Variants in MERTK observed in about 807,000 individuals in gnomAD.
MERTK encodes tyrosine-protein kinase Mer.
In MERTK, 69 loss-of-function variants were observed where a neutral mutation model predicts 99.3. That is an observed-to-expected ratio of 0.70 (90% CI 0.57 to 0.85). The LOEUF (loss-of-function observed/expected upper bound fraction) is 0.85, where lower values mean the gene tolerates loss of function less well. Ranked by LOEUF, MERTK falls within the 40% of genes least tolerant of loss-of-function variation. The probability of loss-of-function intolerance (pLI) is 0.00; values close to 1 mark genes in which losing one functional copy is unlikely to be tolerated. For missense variants in MERTK, 1,125 were observed against 1,249.4 expected, an observed-to-expected ratio of 0.90 and a Z score of 1.50; for synonymous variants, 426 against 467.6, an observed-to-expected ratio of 0.91 and a Z score of 1.15.
rs70962971 is a variant in MERTK, at chr2:111,976,522, C to CTGTGTGTGTG, written c.1144+1090_1144+1099dup. Among the ~76,000 whole-genome samples, 122 of 136,788 alleles carry CTGTGTGTGTG rather than the reference C, an allele frequency of 8.9e-4. 1 individual carries two copies. The highest frequency in any genetic ancestry group is 2.9e-3 in the African/African-American group (104 of 35,618). 89.7% of individuals were successfully genotyped at this position (136,788 alleles called of 152,430 possible). ...GTAAGCCAGAAATCATGACAAAAAC[C>CTGTGTGTGTG]TGTGTGTGTGTGTGTGTGTGTGTGT... On this transcript the variant is annotated intron_variant, in intron 7 of 18. Coordinates refer to ENST00000295408, the MANE Select transcript of MERTK (RefSeq NM_006343.3).
intron 2 of MERTK, among the ~76,000 whole-genome samples, chr2:111,944,018 G>A (rs534653365): frequency 6.6e-6 from 1 of 152,220 alleles, no homozygotes; most frequent in South Asian, 2.1e-4. Flanking sequence ...AAGACAGGTG[G>A]CCGGGCATGG....
In MERTK at chr2:112,028,703, G is replaced by A. The variant is rs2104430119; in HGVS notation, c.2839G>A (p.Ala947Thr). Residue 947 changes from alanine (A) to threonine (T), a missense_variant, in exon 19 of 19, where the codon GCT becomes ACT. Coordinates refer to ENST00000295408, the MANE Select transcript of MERTK (RefSeq NM_006343.3). Reference protein sequence around the residue: ...EWEDLTSAPSAAVTAEKNSVL... With the variant: ...EWEDLTSAPSTAVTAEKNSVL... Reference sequence around the variant, plus strand: ...GGAAGATCTGACTTCTGCCCCCTCTGCTGCAGTCACAGCTGAAAAGAACAG... The same window carrying A: ...GGAAGATCTGACTTCTGCCCCCTCTACTGCAGTCACAGCTGAAAAGAACAG... 4 of 1,614,186 alleles carry A rather than the reference G, an allele frequency of 2.5e-6. No homozygotes were observed. The highest frequency in any genetic ancestry group is 2.2e-5 in the South Asian group (2 of 91,088).
At chr2:111,929,029 G>C in intron 1 of MERTK, 91 bp from the exon 2 acceptor site, 1 of 1,360,178 alleles carries the variant, frequency 7.4e-7, no homozygotes, top group Non-Finnish European at 1.0e-6. Context: ...GGACACCCCA[G>C]TGCTCTCTCT....
At chr2:111,917,167 T>G (rs1684366520) in intron 1 of MERTK, among the ~76,000 whole-genome samples, 1 of 152,152 alleles carries the variant, frequency 6.6e-6, no homozygotes, top group Admixed American at 6.6e-5. Flanking sequence ...GAGAGATGCT[T>G]CATTGCTTCA....
chr2:111,953,775 A>G (rs927652752), intron 4 of MERTK, among the ~76,000 whole-genome samples: 5 of 152,164 alleles, frequency 3.3e-5, no homozygotes, highest in African/African-American at 1.2e-4. Flanking sequence ...GGGTTTCACC[A>G]TGTTGGCCAG....
intron 1 of MERTK, among the ~76,000 whole-genome samples, chr2:111,920,530 C>T (rs1368093862): frequency 2.0e-5 from 3 of 151,408 alleles, no homozygotes; most frequent in Non-Finnish European, 4.4e-5. Flanking sequence ...AGGACTGATC[C>T]ATCAGGTCAA....
chr2:111,920,803 T>C (rs2001200), intron 1 of MERTK, among the ~76,000 whole-genome samples: 80,393 of 151,716 alleles, frequency 0.53, 21,493 homozygotes, highest in South Asian at 0.59. Flanking sequence ...TACAGGCGCC[T>C]GCCACCAGGC....
rs2104733835 is a variant in MERTK, at chr2:111,975,347, T to C, written c.1019T>C (p.Leu340Ser). 6.2e-7 allele frequency: 1 copy of C among 1,614,212 alleles called. No homozygotes were observed. The highest frequency in any genetic ancestry group is 8.5e-7 in the Non-Finnish European group (1 of 1,180,024). Reference protein sequence around the residue: ...GSVMIFNTSALPHLYQIKQLQ... With the variant: ...GSVMIFNTSASPHLYQIKQLQ... ...GTCATGATTTTTAACACCTCTGCCTTACCACATCTGTACCAAATCAAGCAG... is the reference window on the plus strand; with the variant it reads ...GTCATGATTTTTAACACCTCTGCCTCACCACATCTGTACCAAATCAAGCAG... Residue 340 changes from leucine to serine, a missense_variant, in exon 7 of 19, where the codon TTA (leucine) becomes TCA (serine). Leu to Ser is a moderately radical substitution (Grantham distance 145). Coordinates refer to ENST00000295408, the MANE Select transcript of MERTK (RefSeq NM_006343.3).
rs749347912 is a variant in MERTK, at chr2:112,003,074, A to G, written c.1691-18A>G. ...CACGCTGACAATTTTTGTACATACT[A>G]TGTTACTCCTTTTTCAGTACATAGC... On this transcript the variant is annotated intron_variant, in intron 11 of 18. Transcript: ENST00000295408. The G allele has an allele frequency of 9.3e-6, 11 of 1,183,384 alleles. No homozygotes were observed. The South Asian group carries it at 1.1e-4, about 12-fold the overall frequency. 73.3% of individuals were successfully genotyped at this position (1,183,384 alleles called of 1,614,324 possible). A position where few individuals can be genotyped will look rare whatever the true frequency, so the allele number is the denominator to read the frequency against.
rs989361066 is a variant in MERTK, at chr2:111,939,385, G to A, written c.483-5575G>A. On this transcript the variant is annotated intron_variant, in intron 2 of 18. Coordinates refer to ENST00000295408, the MANE Select transcript of MERTK (RefSeq NM_006343.3). ...CTCATGACCCAATCACCTCTTAAAG[G>A]CCTCACATCTCCATACTGCCACATT... Among the ~76,000 whole-genome samples the A allele has an allele frequency of 5.9e-5, 9 of 151,826 alleles. No homozygotes were observed. In the East Asian group the frequency reaches 1.7e-3, roughly 29 times the overall value.
chr2:111,929,798 ACCATGATGC>A (rs1368731385), intron 2 of MERTK, among the ~76,000 whole-genome samples: 3 of 147,988 alleles, frequency 2.0e-5, no homozygotes, highest in Non-Finnish European at 4.4e-5. Context: ...ATGAGGTTTC[ACCATGATGC>A]CCAGGCTGGT....
rs751121121 is a variant in MERTK at position 112,028,910 on chromosome 2, C to T, written c.*46C>T. The T allele has an allele frequency of 6.2e-7, 1 of 1,612,864 alleles. No individual in the cohort carries two copies. Among genetic ancestry groups the T allele is most frequent in the Non-Finnish European group, 8.5e-7 (1 of 1,179,980 alleles). ...TCCAAAAATCAAGCCAATTCTTCTG[C>T]TGTAGGAGAATCCAATTGTACCTGA... On this transcript the variant is annotated 3_prime_UTR_variant, in exon 19 of 19. Transcript: ENST00000295408.
intron 1 of MERTK, among the ~76,000 whole-genome samples, chr2:111,920,697 A>G (rs892691037): frequency 1.3e-5 from 2 of 151,468 alleles, no homozygotes; most frequent in African/African-American, 4.9e-5. Flanking sequence ...TGTGTTGCCT[A>G]CGCTGGAGTG....
chr2:112,004,439 T>A (rs1431578113), intron 13 of MERTK, among the ~76,000 whole-genome samples: 2 of 152,200 alleles, frequency 1.3e-5, no homozygotes, highest in African/African-American at 4.8e-5. Context: ...AGCTGCGGGC[T>A]GCCTGGCAAG....
intron 18 of MERTK, among the ~76,000 whole-genome samples, chr2:112,027,967 A>C (rs563594123): frequency 6.6e-6 from 1 of 152,242 alleles, no homozygotes; most frequent in South Asian, 2.1e-4. Context: ...GAAGTCATAG[A>C]TAACGTGTAA....
rs542992179 is a variant in MERTK at position 111,935,120 on chromosome 2, G to T, written c.482+5580G>T. ...CTGGTGATGTCATTTTAGACACCAA[G>T]AAATAGAGATATTGTAAAAATCAAT... On this transcript the variant is annotated intron_variant, in intron 2 of 18. Transcript: ENST00000295408. Among the ~76,000 whole-genome samples, 95 of 152,326 alleles carry T rather than the reference G, an allele frequency of 6.2e-4. 1 individual carries two copies. The highest frequency in any genetic ancestry group is 2.3e-3 in the African/African-American group (94 of 41,576).
chr2:112,010,658 T>G (rs1258357365), intron 15 of MERTK, among the ~76,000 whole-genome samples: 1 of 152,150 alleles, frequency 6.6e-6, no homozygotes, highest in African/African-American at 2.4e-5. Context: ...TCAGGGTCAA[T>G]TTTCAGTATT....
At position 111,906,984 on chromosome 2, in the gene MERTK, A is replaced by G. The variant is rs186910647; in HGVS notation, c.61+8188A>G. Among the ~76,000 whole-genome samples, 31 of 152,106 alleles carry G rather than the reference A, an allele frequency of 2.0e-4. No homozygotes were observed. In the East Asian group the frequency reaches 4.3e-3, roughly 21 times the overall value. On this transcript the variant is annotated intron_variant, in intron 1 of 18. Transcript: ENST00000295408. The stretch of plus-strand genomic sequence containing the variant: ...CTAAAGGGGAGAGGTGGGAAGGGAT[A>G]CTTTCTCCCATGCCGTTTGGGACAC...
At chr2:112,028,033 C>T (rs1677504877) in intron 18 of MERTK, among the ~76,000 whole-genome samples, 1 of 152,162 alleles carries the variant, frequency 6.6e-6, no homozygotes, top group African/African-American at 2.4e-5. Context: ...AGACAGTGGG[C>T]TGGATTTGGC....
Sources: allele counts gnomAD v4.1 joint callset (sites outside exome capture counted in the v4.1 genomes callset), GRCh38; gene constraint gnomAD v4.1.1; transcripts MANE v1.5; gene names NCBI Gene and HGNC (gene_info 2026-07-23, HGNC 2026-07-21).